ZNF721: variants seen among roughly 807,000 people sequenced by gnomAD.
The protein encoded by ZNF721 is zinc finger protein 721.
Under a neutral mutation model 2.4 loss-of-function variants are expected in ZNF721, and 2 were observed. The ratio of observed to expected loss-of-function variants is 0.82; its 90% CI spans 0.34 to 2.58. The LOEUF (loss-of-function observed/expected upper bound fraction) is 2.58, where lower values mean the gene tolerates loss of function less well. Among genes scored for constraint, ZNF721 ranks in the 30% most tolerant of loss-of-function variants. The pLI is 0.11. For missense variants in ZNF721, 1,187 were observed against 1,085.5 expected, an observed-to-expected ratio of 1.09 and a Z score of -1.31; for synonymous variants, 398 against 381.8, an observed-to-expected ratio of 1.04 and a Z score of -0.50.
At chr4:455,044 C>A (rs1455023058) in intron 2 of ZNF721, among the ~76,000 whole-genome samples, 2 of 152,158 alleles carry the variant, frequency 1.3e-5, no homozygotes, top group Non-Finnish European at 2.9e-5. Flanking sequence ...ACTCTAGAGC[C>A]CAGGCTGTTT....
In ZNF721 at chr4:481,779, G is replaced by A. The variant is rs568828832; in HGVS notation, c.-93-9078C>T. 1.1e-4 allele frequency among the ~76,000 whole-genome samples: 17 copies of A among 152,244 alleles called. No individual in the cohort carries two copies. The South Asian group carries it at 3.1e-3, about 28-fold the overall frequency. On this transcript the variant is annotated intron_variant, in intron 1 of 2. Transcript: ENST00000511833. ...ATGCCCTTCAGCAGTTGAACACAGC[G>A]TCCACCTTTGGCTCAGTCTCACAGA...
At chr4:451,408 G>A (rs1273887001) in intron 2 of ZNF721, among the ~76,000 whole-genome samples, 1 of 152,166 alleles carries the variant, frequency 6.6e-6, no homozygotes, top group African/African-American at 2.4e-5. Flanking sequence ...AAATGCCCTA[G>A]TGATGGGACC....
intron 1 of ZNF721, among the ~76,000 whole-genome samples, chr4:496,324 G>A (rs1716151777): frequency 6.6e-6 from 1 of 152,162 alleles, no homozygotes; most frequent in Non-Finnish European, 1.5e-5. Flanking sequence ...CACCCGTGTG[G>A]TGGCCACCTG....
chr4:474,049 C>A, intron 1 of ZNF721: 7 of 1,477,502 alleles, frequency 4.7e-6, no homozygotes, highest in Non-Finnish European at 4.6e-6. Flanking sequence ...GGTTACAGAG[C>A]GATGGAGGCT....
At chr4:499,008 G>C in intron 1 of ZNF721, 48 bp downstream of exon 1, 1 of 358,236 alleles carries the variant, frequency 2.8e-6, no homozygotes, top group South Asian at 2.9e-5. Flanking sequence ...AAAGGCGTGA[G>C]CCACTGCACC....
chr4:482,678 G>A lies in ZNF721; in HGVS notation c.-93-9977C>T, dbSNP rs1362542906. Among the ~76,000 whole-genome samples the A allele has an allele frequency of 2.6e-5, 4 of 151,362 alleles. No individual in the cohort carries two copies. In the East Asian group the frequency reaches 7.8e-4, roughly 30 times the overall value. Reference sequence around the variant, plus strand: ...TGCCCAGCTAATTTTTGTATTTTTAGTAGAGACGGGGTTTCACCATGTTGG... The same window carrying A: ...TGCCCAGCTAATTTTTGTATTTTTAATAGAGACGGGGTTTCACCATGTTGG... On this transcript the variant is annotated intron_variant, in intron 1 of 2. Transcript: ENST00000511833.
Position 442,282 on chromosome 4 carries a change from C to T in ZNF721, c.2185G>A (p.Asp729Asn), listed in dbSNP as rs781978166. 1 of 1,613,306 alleles carries T rather than the reference C, an allele frequency of 6.2e-7. No homozygotes were observed. The highest frequency in any genetic ancestry group is 1.7e-5 in the Admixed American group (1 of 59,946). The change falls in exon 3 of 3, where the codon GAT becomes AAT. Residue 729 changes from aspartate (D) to asparagine (N), a missense_variant. Coordinates refer to ENST00000511833, the MANE Select transcript of ZNF721 (RefSeq NM_133474.4). ...HTREKPYKCE[D>N]RGRSFGWSTN... ...GACCATCCAAAGGATCTGCCACGAT[C>T]TTCACATTTGTAGGGTTTCTCCCTA...
rs782540933 is a variant in ZNF721 at position 442,681 on chromosome 4, G to A, written c.1786C>T (p.Arg596Trp). Reference protein sequence around the residue: ...KCEECGKAFGRYTDLNQHKKI... With the variant: ...KCEECGKAFGWYTDLNQHKKI... ...TTGTGTTGATTCAGGTCTGTGTACCGTCCAAAGGCTTTGCCACACTCTTCA... is the reference window on the plus strand; with the variant it reads ...TTGTGTTGATTCAGGTCTGTGTACCATCCAAAGGCTTTGCCACACTCTTCA... Residue 596 changes from arginine to tryptophan, a missense_variant, in exon 3 of 3, where the codon CGG (arginine) becomes TGG (tryptophan). Physicochemically the swap from Arg to Trp is moderately radical, Grantham distance 101 (BLOSUM62 -3). Coordinates refer to ENST00000511833, the MANE Select transcript of ZNF721 (RefSeq NM_133474.4). 6.6e-5 allele frequency: 106 copies of A among 1,609,562 alleles called. 1 individual carries two copies. Among genetic ancestry groups the A allele is most frequent in the South Asian group, 1.8e-4 (16 of 90,854 alleles).
At chr4:453,808 C>A (rs902347122) in intron 2 of ZNF721, 1 of 152,228 alleles carries the variant, frequency 6.6e-6, no homozygotes, top group Non-Finnish European at 1.5e-5. Context: ...CCAACCTGAA[C>A]TTCCTATGAC....
intron 1 of ZNF721, among the ~76,000 whole-genome samples, chr4:494,518 A>AT (rs145325451): frequency 0.01 from 1,591 of 152,124 alleles, 28 homozygotes; most frequent in African/African-American, 0.035. Flanking sequence ...TAAAGATTCA[A>AT]TTTTTTTCCT....
chr4:484,416 A>G (rs1176220896), intron 1 of ZNF721, among the ~76,000 whole-genome samples: 1 of 152,202 alleles, frequency 6.6e-6, no homozygotes, highest in Non-Finnish European at 1.5e-5. Flanking sequence ...AATAAGAGAG[A>G]TAACCTTAAA....
chr4:447,628 A>G (rs1714518005), intron 2 of ZNF721, among the ~76,000 whole-genome samples: 1 of 152,206 alleles, frequency 6.6e-6, no homozygotes, highest in African/African-American at 2.4e-5. Context: ...AAAAATTAAC[A>G]TGATCCAGCT....
rs1443865024 is a variant in ZNF721 at position 450,764 on chromosome 4, C to T, written c.35-6332G>A. Among the ~76,000 whole-genome samples, 3 of 151,272 alleles carry T rather than the reference C, an allele frequency of 2.0e-5. No homozygotes were observed. In the East Asian group the frequency reaches 5.8e-4, roughly 29 times the overall value. On this transcript the variant is annotated intron_variant, in intron 2 of 2. Coordinates refer to ENST00000511833, the MANE Select transcript of ZNF721 (RefSeq NM_133474.4). ...CGTCCTGGCTAACATGGTGAAACCC[C>T]ATCTCTACTAAACATACAAAAAATT...
At chr4:464,869 G>C (rs1194760434) in intron 2 of ZNF721, among the ~76,000 whole-genome samples, 1 of 151,452 alleles carries the variant, frequency 6.6e-6, no homozygotes, top group Non-Finnish European at 1.5e-5. Flanking sequence ...CACGAGGTCA[G>C]GAGATCGAAA....
At chr4:451,286 C>A (rs1714652446) in intron 2 of ZNF721, among the ~76,000 whole-genome samples, 1 of 152,132 alleles carries the variant, frequency 6.6e-6, no homozygotes, top group Admixed American at 6.5e-5. Context: ...TCAGCCAGCA[C>A]TGTTTTGAAG....
intron 2 of ZNF721, among the ~76,000 whole-genome samples, chr4:466,049 T>C (rs1715241627): frequency 6.7e-6 from 1 of 149,442 alleles, no homozygotes; most frequent in Non-Finnish European, 1.5e-5. Context: ...CAGGCTGGAA[T>C]GCAGTGGCAC....
intron 2 of ZNF721, among the ~76,000 whole-genome samples, chr4:467,978 TAC>T (rs1715307581): frequency 6.7e-6 from 1 of 149,038 alleles, no homozygotes; most frequent in Admixed American, 6.6e-5. Flanking sequence ...CTACTAAAAA[TAC>T]AAAAAATTAG....
At chr4:481,672 CA>C (rs1715773160) in intron 1 of ZNF721, among the ~76,000 whole-genome samples, 1 of 151,534 alleles carries the variant, frequency 6.6e-6, no homozygotes, top group African/African-American at 2.4e-5. Context: ...GAAGAAATTG[CA>C]AGTGATCTAT....
chr4:481,300 C>T (rs1465842331), intron 1 of ZNF721, among the ~76,000 whole-genome samples: 1 of 152,232 alleles, frequency 6.6e-6, no homozygotes, highest in African/African-American at 2.4e-5. Context: ...ACCAACAGTG[C>T]ATGGGGGTTC....
Sources: allele counts gnomAD v4.1 joint callset (sites outside exome capture counted in the v4.1 genomes callset), GRCh38; gene constraint gnomAD v4.1.1; transcripts MANE v1.5; gene names NCBI Gene and HGNC (gene_info 2026-07-23, HGNC 2026-07-21).